Variants in FER1L6 observed in about 807,000 individuals in gnomAD.
FER1L6 encodes the protein fer-1-like protein 6.
In FER1L6, 177 loss-of-function variants were observed where a neutral mutation model predicts 219.2. The observed-to-expected ratio is 0.81, with a 90% CI of 0.71 to 0.91. The LOEUF is 0.91. Among genes scored for constraint, FER1L6 ranks in the 40% least tolerant of loss-of-function variants. FER1L6 has a pLI of 0.00. For missense variants in FER1L6, 2,153 were observed against 2,259.9 expected (o/e 0.95, Z 0.96); for synonymous variants, 768 against 824.3 (o/e 0.93, Z 1.17).
intron 1 of FER1L6, among the ~76,000 whole-genome samples, chr8:123,861,704 TG>T (rs1246055160): frequency 4.3e-5 from 5 of 116,982 alleles, no homozygotes; most frequent in Non-Finnish European, 8.5e-5. Flanking sequence ...TCACATCCCT[TG>T]TAAGTTGGAT....
intron 1 of FER1L6, among the ~76,000 whole-genome samples, chr8:123,881,536 G>A (rs1468166693): frequency 1.3e-5 from 2 of 152,096 alleles, no homozygotes; most frequent in East Asian, 1.9e-4. Context: ...AAATAAGTGG[G>A]CCTTTTGTCC....
At chr8:124,118,576 C>T (rs551143829) in intron 39 of FER1L6, among the ~76,000 whole-genome samples, 24 of 152,306 alleles carry the variant, frequency 1.6e-4, no homozygotes, top group African/African-American at 5.5e-4. Context: ...AAGAGTAGTA[C>T]ATGTGACGGA....
intron 39 of FER1L6, among the ~76,000 whole-genome samples, chr8:124,114,004 G>A (rs1238374175): frequency 1.3e-5 from 2 of 152,156 alleles, no homozygotes; most frequent in Non-Finnish European, 2.9e-5. Context: ...GGGAATTCCT[G>A]TTCTGCTCTA....
intron 33 of FER1L6, among the ~76,000 whole-genome samples, chr8:124,087,042 T>C (rs1341049623): frequency 6.6e-6 from 1 of 152,196 alleles, no homozygotes; most frequent in African/African-American, 2.4e-5. Flanking sequence ...GGGAGTTTGA[T>C]TATTAAATGT....
intron 38 of FER1L6, 83 bp downstream of exon 38, chr8:124,101,421 A>G: frequency 1.5e-6 from 2 of 1,295,954 alleles, no homozygotes; most frequent in African/African-American, 1.5e-5. Flanking sequence ...ATTTAGTTAC[A>G]AGACTAATAA....
At chr8:123,999,218 G>A (rs1817289531) in intron 12 of FER1L6, among the ~76,000 whole-genome samples, 1 of 151,900 alleles carries the variant, frequency 6.6e-6, no homozygotes, top group Admixed American at 6.6e-5. Context: ...GGACAGTGGT[G>A]AGTACTGCCT....
chr8:123,939,172 C>A (rs1814128193), intron 1 of FER1L6: 1 of 985,216 alleles, frequency 1.0e-6, no homozygotes. Context: ...TGTGAAAAAC[C>A]AATGTTCCAG....
intron 9 of FER1L6, among the ~76,000 whole-genome samples, chr8:123,976,428 G>C (rs1432607905): frequency 1.3e-5 from 2 of 151,962 alleles, no homozygotes; most frequent in Non-Finnish European, 2.9e-5. Flanking sequence ...AGAATTGCTT[G>C]AACTTGAGAG....
intron 1 of FER1L6, among the ~76,000 whole-genome samples, chr8:123,905,810 AT>A (rs1812942766): frequency 6.6e-6 from 1 of 152,208 alleles, no homozygotes; most frequent in South Asian, 2.1e-4. Context: ...ATAATTTTAA[AT>A]TATTGCTGTA....
rs532634423 is a variant in FER1L6, at chr8:123,962,464, G to A, written c.77-814G>A. 2.0e-5 allele frequency among the ~76,000 whole-genome samples: 3 copies of A among 152,140 alleles called. No individual in the cohort carries two copies. The East Asian group carries it at 5.8e-4, about 29-fold the overall frequency. On this transcript the variant is annotated intron_variant, in intron 2 of 40. Transcript: ENST00000522917. ...CCTGTCATGACTTTAGGTCCTGTTT[G>A]TAATTTGGTATCTTATTGCCACAGG...
intron 1 of FER1L6, among the ~76,000 whole-genome samples, chr8:123,881,056 A>G (rs142124640): frequency 1.7e-4 from 26 of 152,354 alleles, no homozygotes; most frequent in African/African-American, 6.3e-4. Flanking sequence ...GTCATGTGCA[A>G]TGGTGACTGT....
intron 11 of FER1L6, 150 bp from the exon 12 acceptor site, chr8:123,985,918 C>A: frequency 1.7e-6 from 1 of 599,830 alleles, no homozygotes; most frequent in Non-Finnish European, 3.0e-6. Flanking sequence ...TCATACATGT[C>A]TTATTTGGGG....
chr8:124,030,413 C>A (rs567430705), intron 18 of FER1L6, among the ~76,000 whole-genome samples: 1 of 152,240 alleles, frequency 6.6e-6, no homozygotes, highest in Middle Eastern at 3.4e-3. Context: ...ATTTGCAGAA[C>A]TCAGCCCAAC....
At chr8:123,990,997 C>G (rs1461994984) in intron 12 of FER1L6, among the ~76,000 whole-genome samples, 1 of 152,210 alleles carries the variant, frequency 6.6e-6, no homozygotes, top group East Asian at 1.9e-4. Flanking sequence ...GTTTTGTATG[C>G]TTTGTCAAAA....
At chr8:123,936,991 C>T (rs967847589) in intron 1 of FER1L6, among the ~76,000 whole-genome samples, 2 of 152,184 alleles carry the variant, frequency 1.3e-5, no homozygotes, top group Non-Finnish European at 1.5e-5. Context: ...CTGCAACCTC[C>T]GCCTCCTGGG....
intron 25 of FER1L6, among the ~76,000 whole-genome samples, chr8:124,062,508 C>T (rs1206984375): frequency 1.3e-5 from 2 of 152,192 alleles, no homozygotes; most frequent in African/African-American, 2.4e-5. Context: ...AAATTTAAGT[C>T]GATTTAATCT....
chr8:123,898,836 T>TAC (rs1375175634), intron 1 of FER1L6, among the ~76,000 whole-genome samples: 1 of 134,692 alleles, frequency 7.4e-6, no homozygotes, highest in African/African-American at 2.7e-5. Context: ...TATATATATA[T>TAC]ACATACATAT....
In FER1L6 at chr8:124,119,868, A is replaced by T; in HGVS notation, c.*78A>T. The T allele has an allele frequency of 1.4e-6, 2 of 1,465,158 alleles. No individual in the cohort carries two copies. Among genetic ancestry groups the T allele is most frequent in the Non-Finnish European group, 1.9e-6 (2 of 1,070,432 alleles). 90.8% of individuals were successfully genotyped at this position (1,465,158 alleles called of 1,614,324 possible). ...CTGGGAGCATCTAAGAACATGTCCC[A>T]TGCATGGCACTGTGCTGAGTGCTAA... On this transcript the variant is annotated 3_prime_UTR_variant, in exon 41 of 41. Coordinates refer to ENST00000522917, the MANE Select transcript of FER1L6 (RefSeq NM_001039112.2).
intron 20 of FER1L6, among the ~76,000 whole-genome samples, chr8:124,042,764 G>A (rs1819564114): frequency 6.6e-6 from 1 of 152,162 alleles, no homozygotes; most frequent in Admixed American, 6.5e-5. Context: ...GGCTCAGGGA[G>A]AAAAAGCCTC....
Sources: gnomAD v4.1 joint callset for allele counts (sites outside exome capture counted in the v4.1 genomes callset) on GRCh38, gnomAD v4.1.1 for gene constraint, MANE v1.5 for transcripts, NCBI Gene and HGNC (gene_info 2026-07-23, HGNC 2026-07-21) for gene names.